Variants in DIAPH2 observed in about 807,000 individuals in gnomAD.
DIAPH2 encodes the protein diaphanous related formin 2.
A neutral mutation model predicts 92.7 loss-of-function variants in DIAPH2; 35 were observed. The observed-to-expected ratio is 0.38, with a 90% CI of 0.29 to 0.50. The LOEUF is 0.50. Among genes scored for constraint, DIAPH2 ranks in the 20% least tolerant of loss-of-function variants. The probability of loss-of-function intolerance (pLI) is 0.94; values close to 1 mark genes in which losing one functional copy is unlikely to be tolerated. For synonymous variants in DIAPH2, 301 were observed against 280.4 expected, an observed-to-expected ratio of 1.07 and a Z score of -0.73; for missense variants, 701 against 819.5, an observed-to-expected ratio of 0.86 and a Z score of 1.77.
chrX:97,501,158 A>T (rs142827591), intron 26 of DIAPH2, among the ~76,000 whole-genome samples: 9,009 of 109,138 alleles, frequency 0.083, 476 homozygotes, highest in African/African-American at 0.2. Context: ...TAATTTGAGT[A>T]CTCTTTTTAC....
At chrX:97,465,534 G>A (rs1167887030) in intron 26 of DIAPH2, among the ~76,000 whole-genome samples, 1 of 111,659 alleles carries the variant, frequency 9.0e-6, no homozygotes, top group African/African-American at 3.3e-5. Context: ...ACGGGAGGAT[G>A]TACATAGGTG....
intron 26 of DIAPH2, among the ~76,000 whole-genome samples, chrX:97,584,063 G>A (rs1033605353): frequency 9.0e-6 from 1 of 111,336 alleles, no homozygotes; most frequent in Non-Finnish European, 1.9e-5. Flanking sequence ...ACTGACCTGC[G>A]CCCACTGTCT....
chrX:97,412,935 T>C (rs1014451423), intron 25 of DIAPH2, among the ~76,000 whole-genome samples: 21 of 111,481 alleles, frequency 1.9e-4, no homozygotes, highest in African/African-American at 5.9e-4. Flanking sequence ...AAAGAAAAAG[T>C]CCAGGACCAG....
chrX:96,819,948 A>G (rs764795138), intron 4 of DIAPH2, among the ~76,000 whole-genome samples: 3 of 111,901 alleles, frequency 2.7e-5, no homozygotes, highest in African/African-American at 6.5e-5. Flanking sequence ...CCAATTCATT[A>G]AACTCTTAAT....
chrX:97,422,105 A>G (rs1216488256), intron 25 of DIAPH2, among the ~76,000 whole-genome samples: 2 of 111,733 alleles, frequency 1.8e-5, no homozygotes, highest in Non-Finnish European at 3.8e-5. Flanking sequence ...GAAATGTTCA[A>G]TATCATGATT....
At chrX:97,255,166 G>A (rs946118248) in intron 23 of DIAPH2, among the ~76,000 whole-genome samples, 2 of 111,473 alleles carry the variant, frequency 1.8e-5, no homozygotes, top group East Asian at 2.8e-4. Flanking sequence ...CTGCCTCCGA[G>A]GTTAGACCTG....
intron 23 of DIAPH2, among the ~76,000 whole-genome samples, chrX:97,267,768 G>A (rs890184899): frequency 1.8e-5 from 2 of 111,449 alleles, no homozygotes; most frequent in African/African-American, 6.5e-5. Context: ...GAATAAATTA[G>A]GCGCCTCACG....
chrX:96,951,697 G>A (rs947087465), intron 15 of DIAPH2, among the ~76,000 whole-genome samples: 15 of 111,457 alleles, frequency 1.3e-4, no homozygotes, highest in Non-Finnish European at 2.8e-4. Context: ...TTTGCAATAC[G>A]ATGTGGTAGC....
chrX:97,159,108 T>C (rs908954851), intron 22 of DIAPH2, among the ~76,000 whole-genome samples: 2 of 111,961 alleles, frequency 1.8e-5, no homozygotes, highest in East Asian at 5.6e-4. Context: ...ACAAAAATTT[T>C]ATTATAGTCA....
At chrX:97,386,261 C>G (rs1163310323) in intron 25 of DIAPH2, among the ~76,000 whole-genome samples, 6 of 111,906 alleles carry the variant, frequency 5.4e-5, no homozygotes, top group African/African-American at 9.7e-5. Flanking sequence ...TAATTAGAAT[C>G]AGGAAAACTG....
chrX:97,206,701 G>A (rs976667013), intron 22 of DIAPH2, among the ~76,000 whole-genome samples: 3 of 111,412 alleles, frequency 2.7e-5, no homozygotes, highest in African/African-American at 9.8e-5. Context: ...CACATCTTAC[G>A]CTCTGCTGAG....
At chrX:96,878,884 C>T (rs2065195517) in intron 4 of DIAPH2, among the ~76,000 whole-genome samples, 1 of 112,121 alleles carries the variant, frequency 8.9e-6, no homozygotes, top group Non-Finnish European at 1.9e-5. Flanking sequence ...GAATATATTA[C>T]AACTGAAAGT....
At chrX:96,976,115 G>C (rs1003005244) in intron 17 of DIAPH2, among the ~76,000 whole-genome samples, 26 of 104,697 alleles carry the variant, frequency 2.5e-4, no homozygotes, top group Middle Eastern at 9.6e-3. Context: ...AGGGTCATGT[G>C]ATCCTCCAAC....
At chrX:97,568,368 G>C (rs2071342709) in intron 26 of DIAPH2, among the ~76,000 whole-genome samples, 1 of 110,658 alleles carries the variant, frequency 9.0e-6, no homozygotes, top group South Asian at 3.8e-4. Flanking sequence ...CACAAACAAG[G>C]ACAGTTTTTG....
intron 11 of DIAPH2, among the ~76,000 whole-genome samples, chrX:96,938,914 T>G (rs2065675243): frequency 8.9e-6 from 1 of 111,844 alleles, no homozygotes; most frequent in African/African-American, 3.2e-5. Context: ...ATATAGGTCC[T>G]CTATCACAAC....
At chrX:97,222,900 C>T (rs1026768734) in intron 22 of DIAPH2, among the ~76,000 whole-genome samples, 6 of 111,615 alleles carry the variant, frequency 5.4e-5, no homozygotes, top group Non-Finnish European at 9.4e-5. Context: ...CCACTCACTG[C>T]AGCCTCAACA....
intron 24 of DIAPH2, among the ~76,000 whole-genome samples, chrX:97,363,831 AAGCATGT>A (rs2069352775): frequency 9.0e-6 from 1 of 110,972 alleles, no homozygotes; most frequent in African/African-American, 3.3e-5. Flanking sequence ...ATGTATAGCA[AAGCATGT>A]AGTGAAGTAA....
At chrX:97,432,196 C>T (rs2070133859) in intron 26 of DIAPH2, among the ~76,000 whole-genome samples, 1 of 112,187 alleles carries the variant, frequency 8.9e-6, no homozygotes, top group African/African-American at 3.2e-5. Flanking sequence ...GCTCTGCTTG[C>T]CATTTTCATT....
rs1319117054 is a variant in DIAPH2 at position 96,930,798 on chromosome X, T to C, written c.1044T>C (p.His348=). Residue 348 remains histidine (H), a synonymous_variant, in exon 10 of 27, where the codon CAT becomes CAC. Coordinates refer to ENST00000324765, the MANE Select transcript of DIAPH2 (RefSeq NM_006729.5). ...CTTATGAGCTTGATTTTCGAATACA[T>C]TTAAGGAATGAATTCCTCCGTTCAG... ...TSPYELDFRI[H]LRNEFLRSGL... 1.7e-6 allele frequency: 2 copies of C among 1,201,985 alleles called. No homozygotes were observed. Among genetic ancestry groups the C allele is most frequent in the Admixed American group, 2.2e-5 (1 of 44,515 alleles).
Sources: allele counts gnomAD v4.1 joint callset (sites outside exome capture counted in the v4.1 genomes callset), GRCh38; gene constraint gnomAD v4.1.1; transcripts MANE v1.5; gene names NCBI Gene and HGNC (gene_info 2026-07-23, HGNC 2026-07-21).